Variants in EXOC4 observed in about 807,000 individuals in gnomAD.
EXOC4 encodes the protein SEC8-like 1.
Under a neutral mutation model 107.2 loss-of-function variants are expected in EXOC4, and 71 were observed. That is an observed-to-expected ratio of 0.66 (90% CI 0.55 to 0.81). The LOEUF (loss-of-function observed/expected upper bound fraction) is 0.81. EXOC4 is among the 30% of genes least tolerant of loss of function. The pLI is 0.00. For missense variants in EXOC4, 1,108 were observed against 1,189.6 expected (o/e 0.93, Z 1.01); for synonymous variants, 456 against 441.2 (o/e 1.03, Z -0.42).
At chr7:133,533,313 A>G (rs1279928527) in intron 9 of EXOC4, among the ~76,000 whole-genome samples, 2 of 152,132 alleles carry the variant, frequency 1.3e-5, no homozygotes, top group African/African-American at 2.4e-5. Context: ...TTCTTTGTAG[A>G]ACCTCATCTC....
chr7:133,441,868 G>T (rs562316754), intron 7 of EXOC4, among the ~76,000 whole-genome samples: 1 of 152,232 alleles, frequency 6.6e-6, no homozygotes, highest in East Asian at 1.9e-4. Flanking sequence ...GCACATACAC[G>T]CACACATACC....
intron 9 of EXOC4, among the ~76,000 whole-genome samples, chr7:133,611,367 C>G (rs1162991910): frequency 6.6e-6 from 1 of 152,068 alleles, no homozygotes; most frequent in African/African-American, 2.4e-5. Flanking sequence ...TGAAGCTAGA[C>G]TTTATATCAG....
intron 9 of EXOC4, among the ~76,000 whole-genome samples, chr7:133,559,919 C>T (rs1460568908): frequency 6.6e-6 from 1 of 152,228 alleles, no homozygotes; most frequent in Admixed American, 6.5e-5. Flanking sequence ...CATAGCCAGC[C>T]CTGACCATAA....
chr7:134,067,000 A>C (rs1796186301), downstream of EXOC4, among the ~76,000 whole-genome samples: 1 of 151,832 alleles, frequency 6.6e-6, no homozygotes, highest in Admixed American at 6.6e-5. Flanking sequence ...AAAATACAAA[A>C]ATTAGCTGGT....
intron 5 of EXOC4, among the ~76,000 whole-genome samples, chr7:133,324,868 G>A (rs1456554732): frequency 6.6e-6 from 1 of 152,216 alleles, no homozygotes; most frequent in Admixed American, 6.5e-5. Flanking sequence ...GGTCTCTAAG[G>A]ACTTGCTTTA....
intron 11 of EXOC4, among the ~76,000 whole-genome samples, chr7:133,883,346 A>G (rs1481142489): frequency 7.0e-6 from 1 of 143,210 alleles, no homozygotes; most frequent in Non-Finnish European, 1.5e-5. Flanking sequence ...TGGCTCTTGT[A>G]AATAAAATGA....
At chr7:133,657,463 G>T (rs1803326618) in intron 10 of EXOC4, among the ~76,000 whole-genome samples, 1 of 152,072 alleles carries the variant, frequency 6.6e-6, no homozygotes, top group Non-Finnish European at 1.5e-5. Flanking sequence ...TATACTTTTA[G>T]TATAAACTGT....
chr7:133,872,854 A>G (rs948103350), intron 11 of EXOC4, among the ~76,000 whole-genome samples: 11 of 152,270 alleles, frequency 7.2e-5, no homozygotes, highest in African/African-American at 2.4e-5. Flanking sequence ...TAAGAAATGC[A>G]TACTTAATAG....
In EXOC4 at chr7:133,856,671, T is replaced by C. The variant is rs573393495; in HGVS notation, c.1735-38928T>C. On this transcript the variant is annotated intron_variant, in intron 11 of 17. Transcript: ENST00000253861. ...AATAATAACTATGAATTGGAATGGG[T>C]AGGGCAGTGGCCAATTAATGTAGCT... 5.9e-5 allele frequency among the ~76,000 whole-genome samples: 9 copies of C among 152,310 alleles called. No individual in the cohort carries two copies. The South Asian group carries it at 1.9e-3, about 32-fold the overall frequency.
At chr7:133,533,312 G>A (rs1397833476) in intron 9 of EXOC4, among the ~76,000 whole-genome samples, 1 of 152,108 alleles carries the variant, frequency 6.6e-6, no homozygotes, top group African/African-American at 2.4e-5. Flanking sequence ...ATTCTTTGTA[G>A]AACCTCATCT....
intron 5 of EXOC4, 108 bp from the exon 6 acceptor site, chr7:133,356,222 A>T: frequency 1.8e-6 from 2 of 1,115,892 alleles, no homozygotes; most frequent in Non-Finnish European, 2.6e-6. Flanking sequence ...AATCCTCTTT[A>T]ATTCTTTAAG....
At chr7:133,323,120 G>A (rs1337007607) in intron 5 of EXOC4, among the ~76,000 whole-genome samples, 2 of 152,112 alleles carry the variant, frequency 1.3e-5, no homozygotes, top group African/African-American at 2.4e-5. Context: ...GGCTGAGACA[G>A]TGGGGTTTTC....
intron 10 of EXOC4, among the ~76,000 whole-genome samples, chr7:133,697,761 G>T (rs1794568275): frequency 1.3e-5 from 2 of 152,176 alleles, no homozygotes; most frequent in South Asian, 2.1e-4. Flanking sequence ...AGCATCACCT[G>T]CAGGGGGTTT....
intron 12 of EXOC4, among the ~76,000 whole-genome samples, chr7:133,907,054 G>A (rs1292813137): frequency 6.6e-6 from 1 of 152,188 alleles, no homozygotes; most frequent in Non-Finnish European, 1.5e-5. Context: ...CTGGGAGCAA[G>A]GACCCCCTGG....
At chr7:133,687,721 C>T (rs551523772) in intron 10 of EXOC4, among the ~76,000 whole-genome samples, 1 of 152,276 alleles carries the variant, frequency 6.6e-6, no homozygotes, top group Admixed American at 6.5e-5. Context: ...AGGACCTAGA[C>T]TGAACTTCTG....
chr7:133,855,170 T>TAAATATATATATAAA (rs1798348629), intron 11 of EXOC4, among the ~76,000 whole-genome samples: 1 of 132,870 alleles, frequency 7.5e-6, no homozygotes, highest in Admixed American at 7.6e-5. Context: ...TATATATTTT[T>TAAATATATATATAAA]TTTATCAGCA....
chr7:133,729,815 C>T (rs944310041), intron 10 of EXOC4, among the ~76,000 whole-genome samples: 16 of 151,852 alleles, frequency 1.1e-4, no homozygotes, highest in African/African-American at 3.1e-4. Flanking sequence ...TTTCTAAATG[C>T]TTCCATGTAT....
chr7:133,477,815 A>T (rs2150853803), intron 8 of EXOC4, among the ~76,000 whole-genome samples: 1 of 152,324 alleles, frequency 6.6e-6, no homozygotes, highest in East Asian at 1.9e-4. Context: ...TCTGCTAATG[A>T]CAAAACTCTT....
intron 5 of EXOC4, among the ~76,000 whole-genome samples, chr7:133,326,853 C>T (rs1795256502): frequency 6.6e-6 from 1 of 152,236 alleles, no homozygotes; most frequent in South Asian, 2.1e-4. Flanking sequence ...TGGTGGGCTC[C>T]ACCCAGTTCG....
Sources: gnomAD v4.1 joint callset for allele counts (sites outside exome capture counted in the v4.1 genomes callset) on GRCh38, gnomAD v4.1.1 for gene constraint, MANE v1.5 for transcripts, NCBI Gene and HGNC (gene_info 2026-07-23, HGNC 2026-07-21) for gene names.